The following LHFPL4 variants were observed in gnomAD, a reference collection of about 807,000 sequenced individuals.
LHFPL4 encodes the protein LHFPL tetraspan subfamily member 4 protein.
In LHFPL4, 6 loss-of-function variants were observed where a neutral mutation model predicts 20.0. The observed-to-expected ratio is 0.30, with a 90% CI of 0.16 to 0.59. The LOEUF (loss-of-function observed/expected upper bound fraction) is 0.59, where lower values mean the gene tolerates loss of function less well. Among genes scored for constraint, LHFPL4 ranks in the 20% least tolerant of loss-of-function variants. The pLI is 0.88. For synonymous variants in LHFPL4, 129 were observed against 143.8 expected (o/e 0.90, Z 0.74); for missense variants, 215 against 331.2 (o/e 0.65, Z 2.72).
chr3:9,529,275 C>T (rs985186679), intron 2 of LHFPL4, among the ~76,000 whole-genome samples: 1 of 152,124 alleles, frequency 6.6e-6, no homozygotes, highest in Non-Finnish European at 1.5e-5. Flanking sequence ...GATCCACCCA[C>T]CTTGGCCTCC....
chr3:9,531,117 C>T (rs914521027), intron 2 of LHFPL4, among the ~76,000 whole-genome samples: 2 of 152,098 alleles, frequency 1.3e-5, no homozygotes, highest in Admixed American at 1.3e-4. Context: ...CTTACATGGG[C>T]GCAGTTCATG....
intron 2 of LHFPL4, among the ~76,000 whole-genome samples, chr3:9,521,508 C>G (rs1216681442): frequency 6.6e-6 from 1 of 151,936 alleles, no homozygotes; most frequent in Non-Finnish European, 1.5e-5. Flanking sequence ...TCACGCCATT[C>G]TCCTGCCTCA....
At chr3:9,541,788 G>C (rs1245338707) in intron 2 of LHFPL4, among the ~76,000 whole-genome samples, 1 of 151,704 alleles carries the variant, frequency 6.6e-6, no homozygotes, top group African/African-American at 2.4e-5. Context: ...AAAAAAAATG[G>C]ATCAAAGACC....
In LHFPL4 at chr3:9,548,466, C is replaced by T. The variant is rs151151329; in HGVS notation, c.406+3808G>A. 3.7e-3 allele frequency among the ~76,000 whole-genome samples: 565 copies of T among 152,206 alleles called. 3 individuals carry two copies. Among genetic ancestry groups the T allele is most frequent in the Non-Finnish European group, 6.4e-3 (433 of 68,012 alleles). On this transcript the variant is annotated intron_variant, in intron 2 of 3. Transcript: ENST00000287585. ...CTCAAGCCAGATGTGTCTTTCTCAC[C>T]GCTGTGTCTTTGCCCATGATCTTCC...
chr3:9,549,704 T>A (rs566995937), intron 2 of LHFPL4, among the ~76,000 whole-genome samples: 39 of 151,448 alleles, frequency 2.6e-4, no homozygotes, highest in East Asian at 3.9e-4. Context: ...TCTCAAAATT[T>A]AAAAAAAAAG....
chr3:9,522,743 CA>C (rs1219265403), intron 2 of LHFPL4, among the ~76,000 whole-genome samples: 13 of 122,522 alleles, frequency 1.1e-4, no homozygotes, highest in South Asian at 2.6e-4. Context: ...AACTCTGTCT[CA>C]AAAAAAAAAG....
At chr3:9,503,739 C>T (rs1319974303) in intron 3 of LHFPL4, among the ~76,000 whole-genome samples, 3 of 152,158 alleles carry the variant, frequency 2.0e-5, no homozygotes, top group Non-Finnish European at 2.9e-5. Flanking sequence ...ATAAAGCATA[C>T]AATGTGCCAG....
chr3:9,526,581 C>T (rs1224513483), intron 2 of LHFPL4, among the ~76,000 whole-genome samples: 2 of 152,106 alleles, frequency 1.3e-5, no homozygotes, highest in Non-Finnish European at 2.9e-5. Context: ...AATTGCGTTC[C>T]CTCAAAAAGA....
At chr3:9,538,133 C>A (rs1162240181) in intron 2 of LHFPL4, among the ~76,000 whole-genome samples, 1 of 152,136 alleles carries the variant, frequency 6.6e-6, no homozygotes, top group African/African-American at 2.4e-5. Context: ...TCCAATCTTT[C>A]TCCTCCTCTC....
At chr3:9,517,509 T>A (rs2046310846) in intron 2 of LHFPL4, among the ~76,000 whole-genome samples, 1 of 151,780 alleles carries the variant, frequency 6.6e-6, no homozygotes, top group South Asian at 2.1e-4. Flanking sequence ...CTTTTTCCAG[T>A]CTGAGAAACA....
At position 9,522,531 on chromosome 3, in the gene LHFPL4, G is replaced by T. The variant is rs984007594; in HGVS notation, c.407-16328C>A. On this transcript the variant is annotated intron_variant, in intron 2 of 3. Coordinates refer to ENST00000287585, the MANE Select transcript of LHFPL4 (RefSeq NM_198560.3). ...AAGGCGGGCAGATCACCTAAGGTCA[G>T]GAGTTCGAGACCAGGCTGGCCAACA... Among the ~76,000 whole-genome samples the T allele has an allele frequency of 4.7e-5, 7 of 148,770 alleles. No individual in the cohort carries two copies. In the South Asian group the frequency reaches 1.5e-3, roughly 32 times the overall value.
In LHFPL4 at chr3:9,501,259, G is replaced by GCATC. The variant is rs1253341350; in HGVS notation, c.*948_*951dup. The GCATC allele has an allele frequency of 3.3e-5, 5 of 152,784 alleles. No individual in the cohort carries two copies. The highest frequency in any genetic ancestry group is 6.6e-5 in the Admixed American group (1 of 15,258). 9.5% of individuals were successfully genotyped at this position (152,784 alleles called of 1,614,324 possible). ...CATGAAAAGGGGCAGAAGGGGTAATGCATCCCCCAACTCCCCACCTCTGGG... is the reference window on the plus strand; with the variant it reads ...CATGAAAAGGGGCAGAAGGGGTAATGCATCCATCCCCCAACTCCCCACCTCTGGG... On this transcript the variant is annotated 3_prime_UTR_variant, in exon 4 of 4. Transcript: ENST00000287585.
At chr3:9,525,695 T>A (rs781747325) in intron 2 of LHFPL4, among the ~76,000 whole-genome samples, 1 of 152,296 alleles carries the variant, frequency 6.6e-6, no homozygotes, top group African/African-American at 2.4e-5. Flanking sequence ...AAGAGCAAGA[T>A]TTCTTTGACA....
Position 9,536,281 on chromosome 3 carries a change from G to A in LHFPL4, c.406+15993C>T, listed in dbSNP as rs182643650. On this transcript the variant is annotated intron_variant, in intron 2 of 3. Coordinates refer to ENST00000287585, the MANE Select transcript of LHFPL4 (RefSeq NM_198560.3). ...CTGTTCCTGCCCATCCAGGGCAGGG[G>A]CTTATCTTACAAGGGAGACTGAGCT... 2.9e-3 allele frequency among the ~76,000 whole-genome samples: 448 copies of A among 152,326 alleles called. 1 individual carries two copies. The highest frequency in any genetic ancestry group is 5.1e-3 in the Non-Finnish European group (347 of 68,024).
chr3:9,510,661 G>A (rs575870525), intron 2 of LHFPL4, among the ~76,000 whole-genome samples: 28 of 152,122 alleles, frequency 1.8e-4, no homozygotes, highest in East Asian at 7.8e-4. Context: ...TGAGTGGCCC[G>A]GCGCGATGGC....
At chr3:9,510,541 A>C (rs1417364942) in intron 2 of LHFPL4, among the ~76,000 whole-genome samples, 2 of 151,892 alleles carry the variant, frequency 1.3e-5, no homozygotes, top group Non-Finnish European at 2.9e-5. Flanking sequence ...CAGCTACCCC[A>C]TGGTCCTACT....
At chr3:9,540,176 A>G (rs924141179) in intron 2 of LHFPL4, among the ~76,000 whole-genome samples, 1 of 152,220 alleles carries the variant, frequency 6.6e-6, no homozygotes, top group African/African-American at 2.4e-5. Context: ...ATAGCAAAAT[A>G]TTGTAAATAA....
intron 2 of LHFPL4, among the ~76,000 whole-genome samples, chr3:9,530,733 CATT>C (rs1180040877): frequency 7.0e-6 from 1 of 143,026 alleles, no homozygotes; most frequent in African/African-American, 2.5e-5. Flanking sequence ...ACTACTTCAT[CATT>C]AACAGCTTTT....
intron 2 of LHFPL4, among the ~76,000 whole-genome samples, chr3:9,508,327 A>T (rs1377693332): frequency 3.3e-5 from 5 of 151,996 alleles, no homozygotes; most frequent in African/African-American, 1.2e-4. Flanking sequence ...TCGAACAGAC[A>T]CTGCAGCAGG....
Sources: gnomAD v4.1 joint callset for allele counts (sites outside exome capture counted in the v4.1 genomes callset) on GRCh38, gnomAD v4.1.1 for gene constraint, MANE v1.5 for transcripts, NCBI Gene and HGNC (gene_info 2026-07-23, HGNC 2026-07-21) for gene names.